Variants in AK9 observed in about 807,000 individuals in gnomAD.
The protein encoded by AK9 is adenylate kinase domain containing 1.
Under a neutral mutation model 239.6 loss-of-function variants are expected in AK9, and 191 were observed. That is an observed-to-expected ratio of 0.80 (90% CI 0.71 to 0.90). The LOEUF (loss-of-function observed/expected upper bound fraction) is 0.90, where lower values mean the gene tolerates loss of function less well. Among genes scored for constraint, AK9 ranks in the 40% least tolerant of loss-of-function variants. AK9 has a pLI of 0.00. For missense variants in AK9, 1,995 were observed against 2,214.7 expected (o/e 0.90, Z 1.99); for synonymous variants, 689 against 721.0 (o/e 0.96, Z 0.71).
At chr6:109,614,685 A>AC (rs1793959755) in intron 13 of AK9, among the ~76,000 whole-genome samples, 1 of 152,064 alleles carries the variant, frequency 6.6e-6, no homozygotes, top group Non-Finnish European at 1.5e-5. Flanking sequence ...AACTGAAAGC[A>AC]CTGCTGTGAG....
At chr6:109,657,147 A>G (rs1373770096) in intron 7 of AK9, among the ~76,000 whole-genome samples, 1 of 152,188 alleles carries the variant, frequency 6.6e-6, no homozygotes, top group Non-Finnish European at 1.5e-5. Context: ...GGGGAAGAAC[A>G]TCAGATTTTC....
chr6:109,500,573 A>C (rs565576114), intron 35 of AK9, among the ~76,000 whole-genome samples: 1 of 152,340 alleles, frequency 6.6e-6, no homozygotes, highest in African/African-American at 2.4e-5. Flanking sequence ...ATTAACCATA[A>C]AATTATGAAG....
At chr6:109,601,593 G>A (rs1041537257) in intron 17 of AK9, among the ~76,000 whole-genome samples, 1 of 152,254 alleles carries the variant, frequency 6.6e-6, no homozygotes, top group Admixed American at 6.5e-5. Flanking sequence ...TGTCTATTAG[G>A]TCCACTTGGT....
chr6:109,532,787 C>T (rs1474057544), intron 28 of AK9, among the ~76,000 whole-genome samples: 1 of 151,512 alleles, frequency 6.6e-6, no homozygotes, highest in Middle Eastern at 3.4e-3. Context: ...TGCTGGTTCC[C>T]TGTGACACTT....
chr6:109,500,810 G>T (rs536392435), intron 35 of AK9, among the ~76,000 whole-genome samples: 66 of 152,244 alleles, frequency 4.3e-4, no homozygotes, highest in Admixed American at 1.0e-3. Flanking sequence ...TTGAGTCCAG[G>T]AGTTTAAGAC....
chr6:109,495,586 G>A (rs1776952192), intron 38 of AK9, 146 bp from the exon 39 acceptor site: 1 of 508,356 alleles, frequency 2.0e-6, no homozygotes, highest in Non-Finnish European at 3.3e-6. Flanking sequence ...TGGGGCTCCT[G>A]GAAGTGCACA....
intron 10 of AK9, among the ~76,000 whole-genome samples, chr6:109,639,438 C>A (rs1797123919): frequency 6.6e-6 from 1 of 152,228 alleles, no homozygotes; most frequent in Admixed American, 6.5e-5. Flanking sequence ...CCGTTGGCTG[C>A]ATAAATGTCT....
intron 17 of AK9, among the ~76,000 whole-genome samples, chr6:109,597,382 A>T (rs890956596): frequency 3.3e-5 from 5 of 151,658 alleles, no homozygotes; most frequent in East Asian, 3.9e-4. Context: ...TTCTTTAAAA[A>T]TTTTTTTTTG....
At chr6:109,673,481 T>C (rs980706650) in intron 3 of AK9, among the ~76,000 whole-genome samples, 4 of 152,104 alleles carry the variant, frequency 2.6e-5, no homozygotes, top group Admixed American at 6.5e-5. Flanking sequence ...TTCATTCTTT[T>C]TCTTATTTTT....
chr6:109,535,153 T>C (rs1781807828), intron 27 of AK9, among the ~76,000 whole-genome samples: 1 of 152,232 alleles, frequency 6.6e-6, no homozygotes, highest in Admixed American at 6.5e-5. Flanking sequence ...ATGGTATTTC[T>C]AGTTCTAGAT....
intron 8 of AK9, among the ~76,000 whole-genome samples, chr6:109,646,900 A>G (rs890330699): frequency 1.3e-5 from 2 of 152,174 alleles, no homozygotes; most frequent in Admixed American, 1.3e-4. Context: ...CTTGGCAGAA[A>G]CTCCACAAGC....
chr6:109,685,936 A>G (rs912583826), intron 1 of AK9, among the ~76,000 whole-genome samples: 3 of 152,220 alleles, frequency 2.0e-5, no homozygotes, highest in Admixed American at 6.5e-5. Flanking sequence ...AGACTTCTGC[A>G]AATTTAACAA....
chr6:109,556,945 C>T lies in AK9; in HGVS notation c.2752-6643G>A, dbSNP rs1408823355. Among the ~76,000 whole-genome samples, 4 of 151,870 alleles carry T rather than the reference C, an allele frequency of 2.6e-5. No homozygotes were observed. The East Asian group carries it at 7.7e-4, about 29-fold the overall frequency. ...AGGTTAACATGCTCCTTTAACTCAT[C>T]TTAATTTTTTATTACCTATCTTCTG... is the stretch of plus-strand genomic sequence containing the variant. On this transcript the variant is annotated intron_variant, in intron 24 of 40. Transcript: ENST00000424296.
At chr6:109,682,522 A>C (rs1456739368) in intron 1 of AK9, among the ~76,000 whole-genome samples, 1 of 152,176 alleles carries the variant, frequency 6.6e-6, no homozygotes, top group Non-Finnish European at 1.5e-5. Flanking sequence ...AAAGAATAAA[A>C]GACAGAAGAA....
intron 8 of AK9, among the ~76,000 whole-genome samples, chr6:109,651,068 C>T (rs529450316): frequency 7.9e-5 from 12 of 152,008 alleles, no homozygotes; most frequent in African/African-American, 2.9e-4. Context: ...ACATCACACA[C>T]CGGGGACTGT....
rs541000020 is a variant in AK9 at position 109,540,043 on chromosome 6, G to A, written c.3350+2004C>T. 1.1e-4 allele frequency among the ~76,000 whole-genome samples: 17 copies of A among 152,218 alleles called. No homozygotes were observed. In the South Asian group the frequency reaches 2.7e-3, roughly 24 times the overall value. On this transcript the variant is annotated intron_variant, in intron 27 of 40. Transcript: ENST00000424296. ...GGGGTGCCTCCCAGTTAGGGTACTC[G>A]GGGGTCAGGGACCCACTTGAGGAGG... is the stretch of plus-strand genomic sequence containing the variant.
At position 109,514,170 on chromosome 6, in the gene AK9, G is replaced by A. The variant is rs143558996; in HGVS notation, c.4279+54C>T. The A allele has an allele frequency of 6.1e-5, 91 of 1,480,626 alleles. No individual in the cohort carries two copies. The African/African-American group carries it at 1.0e-3, about 17-fold the overall frequency. 91.7% of individuals were successfully genotyped at this position (1,480,626 alleles called of 1,614,324 possible). On this transcript the variant is annotated intron_variant, in intron 32 of 40. Coordinates refer to ENST00000424296, the MANE Select transcript of AK9 (RefSeq NM_001145128.3). Reference sequence around the variant, plus strand: ...GTGAATTGACCTGCCATGTGCATTGGGTACAAGCAGATTCTTTTATGCTTG... The same window carrying A: ...GTGAATTGACCTGCCATGTGCATTGAGTACAAGCAGATTCTTTTATGCTTG...
chr6:109,613,675 C>T (rs1793831572), intron 15 of AK9, among the ~76,000 whole-genome samples: 1 of 151,304 alleles, frequency 6.6e-6, no homozygotes. Context: ...AATGTAAAAA[C>T]AGTCTATATT....
At chr6:109,655,682 G>A (rs898788364) in intron 8 of AK9, among the ~76,000 whole-genome samples, 2 of 152,120 alleles carry the variant, frequency 1.3e-5, no homozygotes, top group Non-Finnish European at 2.9e-5. Flanking sequence ...TTCTTAAAAA[G>A]ATAACCTCTG....
Sources: gnomAD v4.1 joint callset for allele counts (sites outside exome capture counted in the v4.1 genomes callset) on GRCh38, gnomAD v4.1.1 for gene constraint, MANE v1.5 for transcripts, NCBI Gene and HGNC (gene_info 2026-07-23, HGNC 2026-07-21) for gene names.